The following ERBB4 variants were observed in gnomAD, a reference collection of about 807,000 sequenced individuals.
ERBB4 encodes receptor tyrosine-protein kinase erbB-4.
Under a neutral mutation model 158.0 loss-of-function variants are expected in ERBB4, and 42 were observed. The ratio of observed to expected loss-of-function variants is 0.27; its 90% confidence interval spans 0.21 to 0.34. The LOEUF (loss-of-function observed/expected upper bound fraction) is 0.34, where lower values mean the gene tolerates loss of function less well. Among genes scored for constraint, ERBB4 ranks in the 10% least tolerant of loss-of-function variants. The pLI is 1.00. For missense variants in ERBB4, 1,333 were observed against 1,624.1 expected (o/e 0.82, Z 3.08); for synonymous variants, 583 against 558.7 (o/e 1.04, Z -0.61).
chr2:212,446,535 T>C (rs1271313707), intron 1 of ERBB4, among the ~76,000 whole-genome samples: 2 of 132,732 alleles, frequency 1.5e-5, no homozygotes, highest in Non-Finnish European at 3.2e-5. Context: ...GACAGCCTAT[T>C]GTAGGACCTT....
intron 1 of ERBB4, among the ~76,000 whole-genome samples, chr2:212,222,321 C>T (rs2083315630): frequency 6.6e-6 from 1 of 151,434 alleles, no homozygotes; most frequent in Non-Finnish European, 1.5e-5. Context: ...ATATATTCTG[C>T]TTCCTTAAAA....
chr2:211,916,173 A>ATTG (rs1298702935), intron 3 of ERBB4, among the ~76,000 whole-genome samples: 2 of 151,508 alleles, frequency 1.3e-5, no homozygotes, highest in Non-Finnish European at 2.9e-5. Flanking sequence ...TATTATTATT[A>ATTG]TTATTTATTT....
chr2:212,317,505 A>C (rs1379032641), intron 1 of ERBB4, among the ~76,000 whole-genome samples: 2 of 151,544 alleles, frequency 1.3e-5, no homozygotes, highest in Admixed American at 1.3e-4. Context: ...TCTAACTACC[A>C]CCTCAGGTGA....
At chr2:211,519,740 T>C (rs2066138212) in intron 20 of ERBB4, among the ~76,000 whole-genome samples, 1 of 152,180 alleles carries the variant, frequency 6.6e-6, no homozygotes, top group African/African-American at 2.4e-5. Flanking sequence ...GTACTTGCAT[T>C]TCTAATTGCA....
At chr2:211,953,776 T>C (rs10497955) in intron 2 of ERBB4, among the ~76,000 whole-genome samples, 4,381 of 152,122 alleles carry the variant, frequency 0.029, 96 homozygotes, top group South Asian at 0.055. Flanking sequence ...GTTTTGCTTA[T>C]GACATTTGAT....
At chr2:211,965,181 A>G (rs901340747) in intron 2 of ERBB4, among the ~76,000 whole-genome samples, 1 of 152,220 alleles carries the variant, frequency 6.6e-6, no homozygotes, top group African/African-American at 2.4e-5. Context: ...CAGCATGTGA[A>G]AGAGCTTTGT....
At chr2:212,203,233 C>T (rs1452093245) in intron 1 of ERBB4, among the ~76,000 whole-genome samples, 1 of 152,056 alleles carries the variant, frequency 6.6e-6, no homozygotes, top group African/African-American at 2.4e-5. Flanking sequence ...GGTAGGCTCT[C>T]CTGGAAAGTG....
At chr2:211,458,379 G>C (rs1223840748) in intron 20 of ERBB4, among the ~76,000 whole-genome samples, 1 of 151,754 alleles carries the variant, frequency 6.6e-6, no homozygotes, top group Non-Finnish European at 1.5e-5. Flanking sequence ...TGATCCCCCT[G>C]CCTCAGCCTC....
chr2:212,427,860 G>T (rs1304078314), intron 1 of ERBB4, among the ~76,000 whole-genome samples: 1 of 152,068 alleles, frequency 6.6e-6, no homozygotes, highest in Non-Finnish European at 1.5e-5. Context: ...TAGTGAAATG[G>T]GAACAAAGGC....
intron 1 of ERBB4, among the ~76,000 whole-genome samples, chr2:212,205,154 C>CAGAT (rs1186235770): frequency 1.3e-5 from 2 of 151,870 alleles, no homozygotes; most frequent in African/African-American, 4.8e-5. Flanking sequence ...GACAGACAGA[C>CAGAT]AGATAGACAG....
chr2:211,956,887 C>T (rs186085020), intron 2 of ERBB4, among the ~76,000 whole-genome samples: 7 of 151,854 alleles, frequency 4.6e-5, no homozygotes, highest in Non-Finnish European at 7.4e-5. Flanking sequence ...CAGGCTGGAG[C>T]GCAGTGGTGT....
chr2:212,040,175 T>G, intron 2 of ERBB4, among the ~76,000 whole-genome samples: 1 of 141,722 alleles, frequency 7.1e-6, no homozygotes, highest in African/African-American at 2.8e-5. Flanking sequence ...AAGTTGGAAG[T>G]ACCTAGATTA....
At chr2:212,481,944 T>C (rs1044562539) in intron 1 of ERBB4, among the ~76,000 whole-genome samples, 3 of 152,244 alleles carry the variant, frequency 2.0e-5, no homozygotes, top group Admixed American at 6.5e-5. Flanking sequence ...GTCTTCTCTA[T>C]ACAGCAGGCC....
At chr2:212,095,698 C>T (rs1467440281) in intron 2 of ERBB4, among the ~76,000 whole-genome samples, 4 of 151,876 alleles carry the variant, frequency 2.6e-5, no homozygotes, top group Admixed American at 1.3e-4. Flanking sequence ...TTTGGGAGGC[C>T]GAGGCGGGCG....
At chr2:211,535,589 A>ATGTGTATGTGTGTGTGTG (rs1553561682) in intron 20 of ERBB4, 44 of 144,834 alleles carry the variant, frequency 3.0e-4, no homozygotes, top group East Asian at 1.6e-3. Flanking sequence ...GAGAGAGTGT[A>ATGTGTATGTGTGTGTGTG]TGTGTGTGTG....
At chr2:211,758,442 T>C (rs1195466765) in intron 4 of ERBB4, among the ~76,000 whole-genome samples, 1 of 152,248 alleles carries the variant, frequency 6.6e-6, no homozygotes, top group African/African-American at 2.4e-5. Flanking sequence ...TATATGATAC[T>C]GTCATATATT....
At chr2:211,934,407 A>G (rs1575400119) in intron 3 of ERBB4, among the ~76,000 whole-genome samples, 1 of 152,028 alleles carries the variant, frequency 6.6e-6, no homozygotes, top group South Asian at 2.1e-4. Context: ...TGGAGTGGCT[A>G]TAATGTATGA....
intron 3 of ERBB4, among the ~76,000 whole-genome samples, chr2:211,804,400 A>T (rs2076566957): frequency 6.6e-6 from 1 of 152,172 alleles, no homozygotes; most frequent in Non-Finnish European, 1.5e-5. Context: ...GAAATTTTCA[A>T]CCTGCTTATT....
intron 1 of ERBB4, among the ~76,000 whole-genome samples, chr2:212,516,268 CT>C (rs143338025): frequency 0.021 from 3,177 of 151,820 alleles, 107 homozygotes; most frequent in African/African-American, 0.073. Context: ...TTCATTTTTG[CT>C]ATATGTATTT....
Sources: allele counts gnomAD v4.1 joint callset (sites outside exome capture counted in the v4.1 genomes callset), GRCh38; gene constraint gnomAD v4.1.1; transcripts MANE v1.5; gene names NCBI Gene and HGNC (gene_info 2026-07-23, HGNC 2026-07-21).